The following ARMC6 variants were observed in gnomAD, a reference collection of about 807,000 sequenced individuals.
ARMC6 encodes the protein armadillo repeat containing 6.
ARMC6 carries 43 observed loss-of-function variants against 49.2 expected under a neutral mutation model. That is an observed-to-expected ratio of 0.87 (90% CI 0.69 to 1.13). The LOEUF (loss-of-function observed/expected upper bound fraction) is 1.13. Ranked by LOEUF, ARMC6 falls within the 50% of genes most tolerant of loss-of-function variation. The pLI is 0.00. For missense variants in ARMC6, 627 were observed against 682.0 expected (o/e 0.92, Z 0.90); for synonymous variants, 262 against 289.6 (o/e 0.90, Z 0.97).
Position 19,051,872 on chromosome 19 carries a change from G to A in ARMC6, c.530G>A (p.Gly177Asp). 1 of 1,614,174 alleles carries A rather than the reference G, an allele frequency of 6.2e-7. No individual in the cohort carries two copies. The highest frequency in any genetic ancestry group is 8.5e-7 in the Non-Finnish European group (1 of 1,180,038). Residue 177 changes from glycine to aspartate, a missense_variant, in exon 5 of 9, where the codon GGC becomes GAC. Coordinates refer to ENST00000535612, the MANE Select transcript of ARMC6 (RefSeq NM_001199196.2). ...CAGCCAGACCTCCTGGATGCCCAGGGCCTGCAGCTCCTAGTGGCCACGCTG... is the reference window on the plus strand; with the variant it reads ...CAGCCAGACCTCCTGGATGCCCAGGACCTGCAGCTCCTAGTGGCCACGCTG... ...DGQPDLLDAQ[G>D]LQLLVATLTQ...
At chr19:19,035,365 G>A (rs2059352887) in intron 2 of ARMC6, among the ~76,000 whole-genome samples, 1 of 152,210 alleles carries the variant, frequency 6.6e-6, no homozygotes, top group Non-Finnish European at 1.5e-5. Flanking sequence ...CTGCCAGTTA[G>A]GGGCCTTACT....
chr19:19,057,374 C>T (rs7258637), intron 8 of ARMC6, 42 bp from the exon 9 acceptor site: 1,157,493 of 1,575,236 alleles, frequency 0.73, 427,279 homozygotes, highest in East Asian at 0.9. Context: ...GGACCCCACC[C>T]CAAAGCCCCA....
Position 19,057,885 on chromosome 19 carries a change from C to T in ARMC6, c.*257C>T, listed in dbSNP as rs955102557. On this transcript the variant is annotated 3_prime_UTR_variant, in exon 9 of 9. Transcript: ENST00000535612. ...GGATGTTACTGTCCTGCTCCTTCCC[C>T]CAGCCCCACGCCCTACCAGAGGGGG... is the stretch of plus-strand genomic sequence containing the variant. 4.8e-6 allele frequency: 3 copies of T among 626,882 alleles called. No individual in the cohort carries two copies. The highest frequency in any genetic ancestry group is 4.5e-5 in the Admixed American group (2 of 44,496). The allele number at this position is 626,882 out of a possible 1,614,324, so 38.8% of individuals were successfully genotyped here. A position where few individuals can be genotyped will look rare whatever the true frequency, so the allele number is the denominator to read the frequency against.
At chr19:19,049,244 G>C (rs901857782) in intron 4 of ARMC6, among the ~76,000 whole-genome samples, 11 of 151,826 alleles carry the variant, frequency 7.2e-5, no homozygotes, top group African/African-American at 2.4e-4. Flanking sequence ...TTAGAGACAG[G>C]GTTTTACCAC....
At chr19:19,045,138 G>A (rs1198005085) in intron 4 of ARMC6, among the ~76,000 whole-genome samples, 7 of 152,108 alleles carry the variant, frequency 4.6e-5, no homozygotes, top group Non-Finnish European at 1.0e-4. Context: ...AGCCTCCCGA[G>A]TAACTGGGAT....
In ARMC6 at chr19:19,057,649, G is replaced by T; in HGVS notation, c.*21G>T. The T allele has an allele frequency of 1.2e-6, 2 of 1,605,976 alleles. No homozygotes were observed. ...CATGACCCCAGGCCCAGTCTGGGCCGTGACTCTGGGTGAGTCGTGTGACTC... is the reference window on the plus strand; with the variant it reads ...CATGACCCCAGGCCCAGTCTGGGCCTTGACTCTGGGTGAGTCGTGTGACTC... On this transcript the variant is annotated 3_prime_UTR_variant, in exon 9 of 9. Coordinates refer to ENST00000535612, the MANE Select transcript of ARMC6 (RefSeq NM_001199196.2).
rs751969684 is a variant in ARMC6, at chr19:19,054,153, G to A, written c.855G>A (p.Ala285=). ...CACCGTCTCCCTTTCTCCCTGCAGC[G>A]TTCCTGGATAACCCTGGCATCCTGA... ...GLKVLIEATK[A]FLDNPGILSE... is the part of the protein sequence containing the mutation. Residue 285 remains alanine (A), a splice_region_variant and synonymous_variant, in exon 6 of 9, where the codon GCG becomes GCA. Coordinates refer to ENST00000535612, the MANE Select transcript of ARMC6 (RefSeq NM_001199196.2). 6.4e-6 allele frequency: 10 copies of A among 1,566,476 alleles called. No homozygotes were observed. Among genetic ancestry groups the A allele is most frequent in the South Asian group, 3.5e-5 (3 of 85,196 alleles).
At chr19:19,054,914 T>C (rs1289537836) in intron 6 of ARMC6, among the ~76,000 whole-genome samples, 1 of 152,172 alleles carries the variant, frequency 6.6e-6, no homozygotes, top group Non-Finnish European at 1.5e-5. Context: ...AGGTTCTCCA[T>C]CGGGGGATCA....
intron 2 of ARMC6, chr19:19,039,299 T>A (rs1272741205): frequency 2.3e-6 from 1 of 438,460 alleles, no homozygotes; most frequent in South Asian, 1.6e-5. Flanking sequence ...CACACCTGAC[T>A]ATATTTTTAA....
rs900028546 is a variant in ARMC6, at chr19:19,057,859, C to T, written c.*231C>T. 6.6e-5 allele frequency: 46 copies of T among 699,148 alleles called. No individual in the cohort carries two copies. The highest frequency in any genetic ancestry group is 5.9e-4 in the African/African-American group (34 of 57,596). The allele number at this position is 699,148 out of a possible 1,614,324, so 43.3% of individuals were successfully genotyped here. A position where few individuals can be genotyped will look rare whatever the true frequency, so the allele number is the denominator to read the frequency against. On this transcript the variant is annotated 3_prime_UTR_variant, in exon 9 of 9. Coordinates refer to ENST00000535612, the MANE Select transcript of ARMC6 (RefSeq NM_001199196.2). Reference sequence around the variant, plus strand: ...CACTTCTGGGTCCCAGCCAGCAGCACGGATGTTACTGTCCTGCTCCTTCCC... The same window carrying T: ...CACTTCTGGGTCCCAGCCAGCAGCATGGATGTTACTGTCCTGCTCCTTCCC...
At chr19:19,041,902 T>A (rs1368438679) in intron 2 of ARMC6, among the ~76,000 whole-genome samples, 1 of 152,074 alleles carries the variant, frequency 6.6e-6, no homozygotes, top group Non-Finnish European at 1.5e-5. Context: ...GATAGTACGA[T>A]GTTAGAATCT....
At position 19,034,242 on chromosome 19, in the gene ARMC6, A is replaced by G; in HGVS notation, c.29+4A>G. On this transcript the variant is annotated splice_donor_region_variant and intron_variant, in intron 2 of 8. Transcript: ENST00000535612. ...AACGATGTTGCTCTAGATACAGGTA[A>G]TGGTGTGCAAATAATAACAGAGTGA... 6.3e-7 allele frequency: 1 copy of G among 1,594,472 alleles called. No individual in the cohort carries two copies. Among genetic ancestry groups the G allele is most frequent in the Non-Finnish European group, 8.5e-7 (1 of 1,178,178 alleles).
chr19:19,043,778 C>T (rs570412334), intron 3 of ARMC6, among the ~76,000 whole-genome samples: 1 of 152,276 alleles, frequency 6.6e-6, no homozygotes, highest in South Asian at 2.1e-4. Context: ...TACCACTCTG[C>T]TCCCTTTGGC....
chr19:19,052,276 C>A, intron 5 of ARMC6, 81 bp downstream of exon 5: 1 of 1,318,774 alleles, frequency 7.6e-7, no homozygotes, highest in Non-Finnish European at 1.0e-6. Flanking sequence ...GGGCTCAGGA[C>A]TGCTTTAGGC....
At chr19:19,034,548 A>T (rs1482444013) in intron 2 of ARMC6, among the ~76,000 whole-genome samples, 1 of 152,084 alleles carries the variant, frequency 6.6e-6, no homozygotes, top group African/African-American at 2.4e-5. Flanking sequence ...GTAGAGGGAC[A>T]TGTGGATGGA....
chr19:19,048,694 G>T (rs1317037635), intron 4 of ARMC6, among the ~76,000 whole-genome samples: 1 of 152,126 alleles, frequency 6.6e-6, no homozygotes, highest in African/African-American at 2.4e-5. Context: ...TTAAAAAGGT[G>T]CCAGACTCTT....
At chr19:19,036,383 C>T (rs892965135) in intron 2 of ARMC6, among the ~76,000 whole-genome samples, 3 of 152,152 alleles carry the variant, frequency 2.0e-5, no homozygotes, top group African/African-American at 4.8e-5. Flanking sequence ...TTTACATAAA[C>T]GTTAGGGCAG....
At chr19:19,054,390 A>C in intron 6 of ARMC6, 69 bp downstream of exon 6, 1 of 1,388,662 alleles carries the variant, frequency 7.2e-7, no homozygotes, top group African/African-American at 1.5e-5. Context: ...AGCTATAGTC[A>C]GAACAAGCCA....
At position 19,055,740 on chromosome 19, in the gene ARMC6, G is replaced by T. The variant is rs531712659; in HGVS notation, c.1156-51G>T. 1 of 1,523,498 alleles carries T rather than the reference G, an allele frequency of 6.6e-7. No homozygotes were observed. Among genetic ancestry groups the T allele is most frequent in the Non-Finnish European group, 8.9e-7 (1 of 1,127,256 alleles). 94.4% of individuals were successfully genotyped at this position (1,523,498 alleles called of 1,614,324 possible). A position where few individuals can be genotyped will look rare whatever the true frequency, so the allele number is the denominator to read the frequency against. On this transcript the variant is annotated intron_variant, in intron 7 of 8. Coordinates refer to ENST00000535612, the MANE Select transcript of ARMC6 (RefSeq NM_001199196.2). This position sits in a 1 kb window ranked among gnomAD's most constrained non-coding sequence, Gnocchi z 5.7. ...GGGTTGGTGGCCATGGCAGGATGTTGTGGGGGGTCTATCTGCTGCATCTCA... is the reference window on the plus strand; with the variant it reads ...GGGTTGGTGGCCATGGCAGGATGTTTTGGGGGGTCTATCTGCTGCATCTCA...
Sources: allele counts gnomAD v4.1 joint callset (sites outside exome capture counted in the v4.1 genomes callset), GRCh38; gene constraint gnomAD v4.1.1; non-coding constraint Gnocchi (gnomAD v3.1); transcripts MANE v1.5; gene names NCBI Gene and HGNC (gene_info 2026-07-23, HGNC 2026-07-21).